Variants in ZFYVE16 observed in about 807,000 individuals in gnomAD.
ZFYVE16 encodes the protein zinc finger FYVE-type containing 16, also known as zinc finger FYVE domain-containing protein 16.
A neutral mutation model predicts 138.1 loss-of-function variants in ZFYVE16; 89 were observed. That is an observed-to-expected ratio of 0.64 (90% CI 0.54 to 0.77). The LOEUF (loss-of-function observed/expected upper bound fraction) is 0.77, where lower values mean the gene tolerates loss of function less well. Among genes scored for constraint, ZFYVE16 ranks in the 30% least tolerant of loss-of-function variants. ZFYVE16 has a pLI of 0.00. For missense variants in ZFYVE16, 1,793 were observed against 1,786.7 expected (o/e 1.00, Z -0.06); for synonymous variants, 596 against 618.3 (o/e 0.96, Z 0.53).
rs259029 is a variant in ZFYVE16, at chr5:80,438,590, G to A, written c.1905G>A (p.Ser635=). ...TSKSEITNQL[S]VSDINSQSVG... is the part of the protein sequence containing the mutation. Reference sequence around the variant, plus strand: ...AGTCTGAGATTACAAATCAATTATCGGTCTCTGATATTAACAGTCAATCTG... The same window carrying A: ...AGTCTGAGATTACAAATCAATTATCAGTCTCTGATATTAACAGTCAATCTG... The change falls in exon 4 of 19, where the codon TCG becomes TCA. Residue 635 remains serine (S), a synonymous_variant. Coordinates refer to ENST00000505560, the MANE Select transcript of ZFYVE16 (RefSeq NM_001284236.3). The A allele has an allele frequency of 0.94, 1,513,410 of 1,613,964 alleles. 711,341 individuals are homozygous for A. Among genetic ancestry groups the A allele is most frequent in the Admixed American group, 0.96 (57,318 of 59,996 alleles).
chr5:80,419,205 A>G (rs567544138), intron 1 of ZFYVE16, among the ~76,000 whole-genome samples: 48 of 151,900 alleles, frequency 3.2e-4, no homozygotes, highest in African/African-American at 1.0e-3. Flanking sequence ...CAGCCTCCCA[A>G]GTAGCTGGGA....
chr5:80,467,284 T>G (rs1414912800), intron 15 of ZFYVE16, among the ~76,000 whole-genome samples: 1 of 152,166 alleles, frequency 6.6e-6, no homozygotes, highest in Non-Finnish European at 1.5e-5. Context: ...ACATGCAAGT[T>G]GCAAATACAA....
intron 16 of ZFYVE16, 105 bp from the exon 17 acceptor site, chr5:80,473,649 T>G (rs1358648880): frequency 1.4e-6 from 1 of 699,064 alleles, no homozygotes; most frequent in African/African-American, 1.8e-5. Context: ...AATTGACATA[T>G]CTTCTTTTAT....
intron 2 of ZFYVE16, 65 bp downstream of exon 2, chr5:80,427,610 C>CTTTTTTTTTTTTTT: frequency 5.4e-4 from 27 of 50,006 alleles, no homozygotes; most frequent in Non-Finnish European, 9.4e-4. Flanking sequence ...CTGTCGTATG[C>CTTTTTTTTTTTTTT]TTTTTTTTTT....
chr5:80,414,222 C>T (rs562215671), intron 1 of ZFYVE16, among the ~76,000 whole-genome samples: 1 of 152,278 alleles, frequency 6.6e-6, no homozygotes, highest in Admixed American at 6.5e-5. Context: ...GAACCAGATA[C>T]ATCAGTCTCC....
intron 15 of ZFYVE16, among the ~76,000 whole-genome samples, chr5:80,470,704 T>C (rs1580362346): frequency 6.6e-6 from 1 of 152,058 alleles, no homozygotes; most frequent in Admixed American, 6.5e-5. Context: ...AGAGATGAGG[T>C]TTCACTGTGT....
In ZFYVE16 at chr5:80,436,169, G is replaced by C. The variant is rs187711245; in HGVS notation, c.71-587G>C. Among the ~76,000 whole-genome samples the C allele has an allele frequency of 2.2e-4, 34 of 152,294 alleles. 1 individual carries two copies. In the South Asian group the frequency reaches 6.6e-3, roughly 30 times the overall value. The stretch of plus-strand genomic sequence containing the variant: ...TTTCTTCAAATTTGGAGTAACAGGA[G>C]AATGCCTCTTAAGTGGCCCATCTTG... On this transcript the variant is annotated intron_variant, in intron 3 of 18. Transcript: ENST00000505560.
At chr5:80,449,014 C>G (rs932888876) in intron 8 of ZFYVE16, among the ~76,000 whole-genome samples, 2 of 152,072 alleles carry the variant, frequency 1.3e-5, no homozygotes, top group Non-Finnish European at 2.9e-5. Flanking sequence ...AGGAATGAAG[C>G]TTTGGATTTC....
intron 2 of ZFYVE16, among the ~76,000 whole-genome samples, chr5:80,432,759 AC>A (rs1749261808): frequency 6.6e-6 from 1 of 152,048 alleles, no homozygotes; most frequent in Non-Finnish European, 1.5e-5. Context: ...CAAACCAACA[AC>A]CCCATCAACA....
At chr5:80,447,406 A>G (rs1217203815) in intron 7 of ZFYVE16, among the ~76,000 whole-genome samples, 2 of 152,126 alleles carry the variant, frequency 1.3e-5, no homozygotes, top group Non-Finnish European at 2.9e-5. Context: ...TACCATGGGT[A>G]TGTTTCCTAG....
intron 14 of ZFYVE16, among the ~76,000 whole-genome samples, chr5:80,457,950 C>A (rs941670413): frequency 8.0e-5 from 12 of 150,218 alleles, no homozygotes; most frequent in Admixed American, 1.3e-4. Flanking sequence ...GGCGTGAACC[C>A]GGGAGGCGGA....
chr5:80,428,806 A>C (rs1019565534), intron 2 of ZFYVE16, among the ~76,000 whole-genome samples: 16 of 152,356 alleles, frequency 1.1e-4, no homozygotes, highest in African/African-American at 3.8e-4. Context: ...CTACATGACA[A>C]ATGCACAAGC....
chr5:80,438,768 G>A lies in ZFYVE16; in HGVS notation c.2083G>A (p.Ala695Thr). Residue 695 changes from alanine to threonine, a missense_variant, in exon 4 of 19, where the codon GCT becomes ACT. By Grantham distance (58) the Ala-to-Thr change is moderately conservative. Around this residue, in one of 2 missense-constraint regions of ZFYVE16, gnomAD observed 1,295 missense variants for 1,204.3 expected, o/e 1.08. Coordinates refer to ENST00000505560, the MANE Select transcript of ZFYVE16 (RefSeq NM_001284236.3). ...AATCACTTGTGCTATAGATTCTACA[G>A]CTGATCCACAGGTTAGCTTCAACTC... The part of the protein sequence containing the change: ...VPITCAIDST[A>T]DPQVSFNSNY... 1 of 1,614,120 alleles carries A rather than the reference G, an allele frequency of 6.2e-7. No homozygotes were observed. The highest frequency in any genetic ancestry group is 8.5e-7 in the Non-Finnish European group (1 of 1,179,976).
At chr5:80,423,760 G>A (rs1195171345) in intron 1 of ZFYVE16, among the ~76,000 whole-genome samples, 1 of 151,750 alleles carries the variant, frequency 6.6e-6, no homozygotes, top group African/African-American at 2.4e-5. Flanking sequence ...GAATGGTGTC[G>A]ATCTCCTGAC....
chr5:80,473,986 G>A, intron 17 of ZFYVE16, 127 bp downstream of exon 17: 1 of 648,142 alleles, frequency 1.5e-6, no homozygotes, highest in South Asian at 2.2e-5. Context: ...TACACTTTGA[G>A]ACATACGCAT....
At chr5:80,474,259 C>G (rs1206697926) in intron 17 of ZFYVE16, among the ~76,000 whole-genome samples, 1 of 152,068 alleles carries the variant, frequency 6.6e-6, no homozygotes, top group African/African-American at 2.4e-5. Flanking sequence ...TACAGACTCC[C>G]AAGTCCTTAG....
chr5:80,453,684 A>C (rs944714650), intron 11 of ZFYVE16, among the ~76,000 whole-genome samples: 11 of 152,122 alleles, frequency 7.2e-5, no homozygotes, highest in African/African-American at 2.7e-4. Context: ...GTTGGTGCCC[A>C]TGTCTTTTTA....
intron 15 of ZFYVE16, among the ~76,000 whole-genome samples, chr5:80,467,433 G>A (rs1482913603): frequency 3.3e-5 from 5 of 152,156 alleles, no homozygotes; most frequent in African/African-American, 4.8e-5. Context: ...AGGCATGCCC[G>A]AACAAGCACA....
rs1755012318 is a variant in ZFYVE16, at chr5:80,477,291, A to G, written c.4534A>G (p.Ile1512Val). 6 of 1,610,250 alleles carry G rather than the reference A, an allele frequency of 3.7e-6. No homozygotes were observed. The highest frequency in any genetic ancestry group is 8.5e-7 in the Non-Finnish European group (1 of 1,178,870). Residue 1512 changes from isoleucine (I) to valine (V), a missense_variant, in exon 19 of 19, where the codon ATA (isoleucine) becomes GTA (valine). Ile to Val is a conservative substitution (Grantham distance 29). Transcript: ENST00000505560. ...TCTAAATGATCTTGATAGTGCTCTG[A>G]TACCTGTGATCCATGGTGGGACCTC... ...HYLNDLDSAL[I>V]PVIHGGTSNS...
Sources: allele counts gnomAD v4.1 joint callset (sites outside exome capture counted in the v4.1 genomes callset), GRCh38; gene constraint gnomAD v4.1.1; regional missense constraint gnomAD v4.1.1; transcripts MANE v1.5; gene names NCBI Gene and HGNC (gene_info 2026-07-23, HGNC 2026-07-21).